The following HERC1 variants were observed in gnomAD, a reference collection of about 807,000 sequenced individuals.
The protein encoded by HERC1 is probable E3 ubiquitin-protein ligase HERC1.
A neutral mutation model predicts 554.3 loss-of-function variants in HERC1; 160 were observed. The observed-to-expected ratio is 0.29, with a 90% CI of 0.25 to 0.33. The LOEUF is 0.33. HERC1 is among the 10% of genes least tolerant of loss of function. The pLI is 1.00. For synonymous variants in HERC1, 2,175 were observed against 2,131.7 expected (o/e 1.02, Z -0.56); for missense variants, 4,919 against 5,918.5 (o/e 0.83, Z 5.54).
At chr15:63,642,888 G>T in intron 59 of HERC1, 69 bp downstream of exon 59, 1 of 897,464 alleles carries the variant, frequency 1.1e-6, no homozygotes, top group Non-Finnish European at 1.8e-6. Flanking sequence ...AAAGTGGGGT[G>T]GTTAGACTAT....
At chr15:63,630,667 T>C in intron 68 of HERC1, 32 bp from the exon 69 acceptor site, 1 of 1,595,658 alleles carries the variant, frequency 6.3e-7, no homozygotes, top group Non-Finnish European at 8.5e-7. Context: ...CATGTGGAAA[T>C]GTTATGCACC....
At chr15:63,722,195 G>A (rs935742795) in intron 19 of HERC1, among the ~76,000 whole-genome samples, 4 of 152,092 alleles carry the variant, frequency 2.6e-5, no homozygotes, top group Non-Finnish European at 5.9e-5. Flanking sequence ...AATAATATTA[G>A]AAACTGAAAT....
Position 63,764,184 on chromosome 15 carries a change from G to C in HERC1, c.938C>G (p.Ser313Cys), listed in dbSNP as rs1364904983. ...LMQMRRSLGS[S>C]ADRSQWREPT... ...TTCTCTCCACTGACTCCGATCAGCAGATGAACCCTATAATTAAAACATTGC... is the reference window on the plus strand; with the variant it reads ...TTCTCTCCACTGACTCCGATCAGCACATGAACCCTATAATTAAAACATTGC... The change falls in exon 3 of 78, where the codon TCT (serine) becomes TGT (cysteine). Residue 313 changes from serine (S) to cysteine (C), a missense_variant. Ser to Cys is a moderately radical substitution (Grantham distance 112, BLOSUM62 -1). Coordinates refer to ENST00000443617, the MANE Select transcript of HERC1 (RefSeq NM_003922.4). 1 of 1,605,702 alleles carries C rather than the reference G, an allele frequency of 6.2e-7. No homozygotes were observed. The highest frequency in any genetic ancestry group is 8.5e-7 in the Non-Finnish European group (1 of 1,174,826).
chr15:63,753,470 A>G (rs2141938330), intron 7 of HERC1, among the ~76,000 whole-genome samples: 1 of 152,348 alleles, frequency 6.6e-6, no homozygotes, highest in East Asian at 1.9e-4. Context: ...GTATATGCAT[A>G]TAATTTTTCA....
At chr15:63,767,030 C>G (rs927023247) in intron 2 of HERC1, among the ~76,000 whole-genome samples, 3 of 138,778 alleles carry the variant, frequency 2.2e-5, no homozygotes, top group Admixed American at 7.2e-5. Context: ...GAAATGGAGT[C>G]TTGCTCTGTT....
intron 1 of HERC1, among the ~76,000 whole-genome samples, chr15:63,776,718 C>A (rs776361357): frequency 1.3e-5 from 2 of 152,172 alleles, no homozygotes; most frequent in African/African-American, 2.4e-5. Flanking sequence ...ATAATCCTAA[C>A]ATTCAGGGAC....
chr15:63,655,916 C>T lies in HERC1; in HGVS notation c.9910G>A (p.Val3304Ile), dbSNP rs1276071080. The T allele has an allele frequency of 6.2e-7, 1 of 1,613,002 alleles. No individual in the cohort carries two copies. Among genetic ancestry groups the T allele is most frequent in the African/African-American group, 1.3e-5 (1 of 74,932 alleles). The stretch of plus-strand genomic sequence containing the variant: ...AACTTTCGCTGAATTGAGTCATCAA[C>T]TGTGGTTAGATTTACACCTGTTGCA... ...SAATGVNLTT[V>I]DDSIQRKFLP... is the part of the protein sequence containing the mutation. Residue 3304 changes from valine (V) to isoleucine (I), a missense_variant, in exon 50 of 78, where the codon GTT becomes ATT. By Grantham distance (29) the Val-to-Ile change is conservative. This residue lies in a region of HERC1 where 1,963 missense variants were observed against 2,228.6 expected (regional missense o/e 0.88). Transcript: ENST00000443617.
chr15:63,624,423 G>A lies in HERC1; in HGVS notation c.13276-96C>T, dbSNP rs150872039. 1,320 of 1,151,632 alleles carry A rather than the reference G, an allele frequency of 1.1e-3. 14 individuals are homozygous for A. The African/African-American group carries it at 0.018, about 16-fold the overall frequency. The allele number at this position is 1,151,632 out of a possible 1,614,324, so 71.3% of individuals were successfully genotyped here. On this transcript the variant is annotated intron_variant, in intron 71 of 77. Coordinates refer to ENST00000443617, the MANE Select transcript of HERC1 (RefSeq NM_003922.4). ...AGAACATACATTATTTTGGCTGGGCGCAGTGGCTCATGCCTGTAGTCCCAG... is the reference window on the plus strand; with the variant it reads ...AGAACATACATTATTTTGGCTGGGCACAGTGGCTCATGCCTGTAGTCCCAG...
intron 68 of HERC1, chr15:63,632,477 C>T: frequency 1.7e-6 from 1 of 582,412 alleles, no homozygotes; most frequent in South Asian, 1.8e-5. Flanking sequence ...AGGGACTCTT[C>T]TAGCAAGAGT....
chr15:63,729,564 A>AGAT lies in HERC1; in HGVS notation c.2951_2953dup (p.His984dup). The stretch of plus-strand genomic sequence containing the variant: ...CTGTAGTGAACATAGCAGTTCATGA[A>AGAT]GATGAGCAGGCTGACTGTTTTCTGA... On this transcript the variant is annotated inframe_insertion, in exon 15 of 78. Transcript: ENST00000443617. The AGAT allele has an allele frequency of 6.2e-7, 1 of 1,613,846 alleles. No homozygotes were observed. Among genetic ancestry groups the AGAT allele is most frequent in the Middle Eastern group, 1.7e-4 (1 of 6,060 alleles).
At position 63,756,537 on chromosome 15, in the gene HERC1, TCTC is replaced by T. The variant is rs759017564; in HGVS notation, c.1430_1432del (p.Gly477del). 2.5e-6 allele frequency: 4 copies of T among 1,613,590 alleles called. No individual in the cohort carries two copies. In the Admixed American group the frequency reaches 5.0e-5, roughly 20 times the overall value. ...ATCACCATCTCCCCAACTGAAGACT[TCTC>T]CTTCTGTCGTAAAGGCTAAAGTGTG... On this transcript the variant is annotated inframe_deletion, in exon 5 of 78. Coordinates refer to ENST00000443617, the MANE Select transcript of HERC1 (RefSeq NM_003922.4). The surrounding 1 kb of genome is among the most constrained non-coding windows in gnomAD (Gnocchi z 5.0).
chr15:63,671,143 C>T (rs931030290), intron 39 of HERC1, among the ~76,000 whole-genome samples: 6 of 147,812 alleles, frequency 4.1e-5, no homozygotes, highest in East Asian at 2.0e-4. Context: ...GCTGAGGTTA[C>T]GGTGAGCCCA....
At chr15:63,631,422 G>A (rs1236841612) in intron 68 of HERC1, among the ~76,000 whole-genome samples, 1 of 152,200 alleles carries the variant, frequency 6.6e-6, no homozygotes, top group Non-Finnish European at 1.5e-5. Flanking sequence ...GGAACATCAT[G>A]CAACCTTCTA....
At chr15:63,750,160 T>C (rs1336246902) in intron 8 of HERC1, among the ~76,000 whole-genome samples, 3 of 152,202 alleles carry the variant, frequency 2.0e-5, no homozygotes, top group African/African-American at 7.2e-5. Flanking sequence ...ACTATTCCGG[T>C]GAGATTTAAG....
At position 63,654,260 on chromosome 15, in the gene HERC1, A is replaced by G; in HGVS notation, c.10149T>C (p.His3383=). The change falls in exon 51 of 78, where the codon CAT becomes CAC. Residue 3383 remains histidine (H), a synonymous_variant. Coordinates refer to ENST00000443617, the MANE Select transcript of HERC1 (RefSeq NM_003922.4). ...CCLSSRLSSQ[H]RQWAAQQLVR... ...CGAGTTGCTGAGCTGCCCATTGCCG[A>G]TGCTGTGAGGACAGCCTGGAGGAGA... The G allele has an allele frequency of 1.2e-6, 2 of 1,614,006 alleles. No homozygotes were observed. The highest frequency in any genetic ancestry group is 4.5e-5 in the East Asian group (2 of 44,872).
intron 2 of HERC1, 99 bp from the exon 3 acceptor site, chr15:63,764,290 C>T: frequency 1.3e-6 from 1 of 759,930 alleles, no homozygotes; most frequent in Non-Finnish European, 2.2e-6. Flanking sequence ...ATTTGAAGAC[C>T]TGTTTATATA....
intron 34 of HERC1, among the ~76,000 whole-genome samples, chr15:63,684,611 C>CA (rs1030024432): frequency 3.3e-5 from 5 of 152,186 alleles, no homozygotes; most frequent in African/African-American, 9.6e-5. Context: ...AGAGAAAAAA[C>CA]AAAAACTCAA....
intron 1 of HERC1, among the ~76,000 whole-genome samples, chr15:63,823,824 A>G (rs1319479491): frequency 1.3e-5 from 2 of 152,236 alleles, no homozygotes; most frequent in African/African-American, 4.8e-5. Flanking sequence ...TTAAAATGAG[A>G]GACATTTCTG....
In HERC1 at chr15:63,694,668, A is replaced by G; in HGVS notation, c.5242+106T>C. ...ACTAAATTATTTATTCTTTACCTAT[A>G]AGTTTATCTACTAATGTTAAACACA... is the stretch of plus-strand genomic sequence containing the variant. On this transcript the variant is annotated intron_variant, in intron 28 of 77. Coordinates refer to ENST00000443617, the MANE Select transcript of HERC1 (RefSeq NM_003922.4). The surrounding 1 kb of genome is among the most constrained non-coding windows in gnomAD (Gnocchi z 4.3). The G allele has an allele frequency of 6.7e-7, 1 of 1,484,994 alleles. No individual in the cohort carries two copies. The highest frequency in any genetic ancestry group is 2.3e-5 in the East Asian group (1 of 44,136). 92.0% of individuals were successfully genotyped at this position (1,484,994 alleles called of 1,614,324 possible). A position where few individuals can be genotyped will look rare whatever the true frequency, so the allele number is the denominator to read the frequency against.
Sources: allele counts gnomAD v4.1 joint callset (sites outside exome capture counted in the v4.1 genomes callset), GRCh38; gene constraint gnomAD v4.1.1; regional missense constraint gnomAD v4.1.1; non-coding constraint Gnocchi (gnomAD v3.1); transcripts MANE v1.5; gene names NCBI Gene and HGNC (gene_info 2026-07-23, HGNC 2026-07-21).